RELN: variants seen among roughly 807,000 people sequenced by gnomAD.
RELN encodes reelin.
In RELN, 108 loss-of-function variants were observed where a neutral mutation model predicts 427.6. The observed-to-expected ratio is 0.25, with a 90% CI of 0.22 to 0.30. The LOEUF is 0.30. Ranked by LOEUF, RELN falls within the 10% of genes least tolerant of loss-of-function variation. The pLI, the probability that RELN is intolerant of heterozygous loss-of-function variation, is 1.00. For synonymous variants in RELN, 1,524 were observed against 1,513.4 expected, an observed-to-expected ratio of 1.01 and a Z score of -0.16; for missense variants, 3,715 against 4,302.8, an observed-to-expected ratio of 0.86 and a Z score of 3.82.
chr7:103,555,692 T>C (rs986130913), intron 38 of RELN, among the ~76,000 whole-genome samples: 1 of 152,104 alleles, frequency 6.6e-6, no homozygotes, highest in African/African-American at 2.4e-5. Flanking sequence ...AGGCTGGTCT[T>C]GAACTCCTGA....
chr7:103,977,504 T>C (rs995871217), intron 1 of RELN, among the ~76,000 whole-genome samples: 3 of 151,974 alleles, frequency 2.0e-5, no homozygotes, highest in Non-Finnish European at 2.9e-5. Context: ...TAGATCTATA[T>C]GTACAATAAG....
At chr7:103,671,679 C>T (rs1833395595) in intron 11 of RELN, among the ~76,000 whole-genome samples, 1 of 152,006 alleles carries the variant, frequency 6.6e-6, no homozygotes, top group Non-Finnish European at 1.5e-5. Context: ...GATGAAGTTG[C>T]AGTACAGTAT....
At chr7:103,556,897 C>T in intron 38 of RELN, 80 bp downstream of exon 38, 1 of 1,190,742 alleles carries the variant, frequency 8.4e-7, no homozygotes, top group Non-Finnish European at 1.3e-6. Context: ...AGTTGACAAA[C>T]ACTTCCTCCA....
chr7:103,806,057 C>A (rs548356502), intron 3 of RELN, among the ~76,000 whole-genome samples: 1 of 152,114 alleles, frequency 6.6e-6, no homozygotes, highest in African/African-American at 2.4e-5. Context: ...AAATGCTCTA[C>A]GCATTGGTAA....
chr7:103,508,741 G>C (rs941976028), intron 51 of RELN, among the ~76,000 whole-genome samples: 5 of 152,132 alleles, frequency 3.3e-5, no homozygotes, highest in African/African-American at 1.2e-4. Context: ...ACATGATTGT[G>C]TATTTAGAAA....
chr7:103,918,278 T>C (rs568982245), intron 1 of RELN, among the ~76,000 whole-genome samples: 6 of 152,268 alleles, frequency 3.9e-5, no homozygotes, highest in African/African-American at 1.4e-4. Flanking sequence ...TAGCTAATAT[T>C]TTTTAGTGCT....
intron 17 of RELN, 113 bp from the exon 18 acceptor site, chr7:103,636,581 G>A: frequency 1.3e-6 from 1 of 746,678 alleles, no homozygotes; most frequent in Non-Finnish European, 2.4e-6. Context: ...AATGGTAAAT[G>A]AGGCTCATTA....
At position 103,540,815 on chromosome 7, in the gene RELN, A is replaced by T. The variant is rs575169406; in HGVS notation, c.6672-360T>A. Among the ~76,000 whole-genome samples, 12 of 152,310 alleles carry T rather than the reference A, an allele frequency of 7.9e-5. 1 individual carries two copies. The highest frequency in any genetic ancestry group is 7.2e-4 in the Admixed American group (11 of 15,296). On this transcript the variant is annotated intron_variant, in intron 43 of 64. Transcript: ENST00000428762. Reference sequence around the variant, plus strand: ...GAGTGTGTGTTGTCATCTATTTAAGATAAGTGTAACTCCTTAAACTCTGAA... The same window carrying T: ...GAGTGTGTGTTGTCATCTATTTAAGTTAAGTGTAACTCCTTAAACTCTGAA...
At chr7:103,526,531 T>C (rs1829825970) in intron 46 of RELN, among the ~76,000 whole-genome samples, 1 of 152,186 alleles carries the variant, frequency 6.6e-6, no homozygotes, top group Non-Finnish European at 1.5e-5. Flanking sequence ...CTACACCTAG[T>C]AATTATGTAC....
chr7:103,752,894 G>T (rs976993211), intron 5 of RELN, among the ~76,000 whole-genome samples: 5 of 152,022 alleles, frequency 3.3e-5, no homozygotes, highest in Non-Finnish European at 5.9e-5. Flanking sequence ...GGACTCTGGG[G>T]AAAATTAAGC....
chr7:103,751,803 A>G (rs1791009199), intron 5 of RELN, among the ~76,000 whole-genome samples: 1 of 152,248 alleles, frequency 6.6e-6, no homozygotes, highest in Admixed American at 6.5e-5. Flanking sequence ...AAAGAGGAAA[A>G]ATAAATTAAT....
chr7:103,723,230 A>C, intron 7 of RELN, 39 bp from the exon 8 acceptor site: 2 of 1,130,504 alleles, frequency 1.8e-6, no homozygotes, highest in Non-Finnish European at 2.7e-6. Flanking sequence ...GACAAGACAG[A>C]GAGGAGAAAG....
chr7:103,561,608 G>C lies in RELN; in HGVS notation c.5453C>G (p.Pro1818Arg), dbSNP rs754018073. ...CCCCCTCTCTGCACCATACACTTCA[G>C]GCCAAAGGTCAGGATGTAAATTCCC... is the stretch of plus-strand genomic sequence containing the variant. Reference protein sequence around the residue: ...FNGNLHPDLWPEVYGAERGNL... With the variant: ...FNGNLHPDLWREVYGAERGNL... The change falls in exon 36 of 65, where the codon CCT becomes CGT. Residue 1818 changes from proline (P) to arginine (R), a missense_variant. Transcript: ENST00000428762. The C allele has an allele frequency of 1.2e-6, 2 of 1,613,856 alleles. No individual in the cohort carries two copies. The highest frequency in any genetic ancestry group is 2.2e-5 in the South Asian group (2 of 91,070).
chr7:103,776,284 A>G (rs1297805499), intron 4 of RELN, among the ~76,000 whole-genome samples: 1 of 152,238 alleles, frequency 6.6e-6, no homozygotes, highest in South Asian at 2.1e-4. Context: ...AAAAATTACT[A>G]CTAAGATTTG....
chr7:103,539,475 T>C, intron 44 of RELN, 148 bp from the exon 45 acceptor site: 1 of 729,956 alleles, frequency 1.4e-6, no homozygotes, highest in Non-Finnish European at 2.3e-6. Context: ...TGAGGGGCCT[T>C]TCAGAATGCT....
intron 2 of RELN, among the ~76,000 whole-genome samples, chr7:103,894,403 A>C (rs1794915441): frequency 6.6e-6 from 1 of 152,166 alleles, no homozygotes; most frequent in African/African-American, 2.4e-5. Context: ...GCAATTTCAA[A>C]ACACTTAAAT....
At chr7:103,658,748 A>G (rs1287880316) in intron 12 of RELN, among the ~76,000 whole-genome samples, 2 of 151,720 alleles carry the variant, frequency 1.3e-5, no homozygotes, top group African/African-American at 4.8e-5. Context: ...GCACCACACC[A>G]TTGGGGAAAC....
chr7:103,650,445 T>C lies in RELN; in HGVS notation c.1893-62A>G. 2 of 1,051,870 alleles carry C rather than the reference T, an allele frequency of 1.9e-6. 1 individual carries two copies. The highest frequency in any genetic ancestry group is 3.0e-6 in the Non-Finnish European group (2 of 668,536). The allele number at this position is 1,051,870 out of a possible 1,614,324, so 65.2% of individuals were successfully genotyped here. A position where few individuals can be genotyped will look rare whatever the true frequency, so the allele number is the denominator to read the frequency against. On this transcript the variant is annotated intron_variant, in intron 15 of 64. Transcript: ENST00000428762. Reference sequence around the variant, plus strand: ...ATGTTCATATCTTTAGAATCTATTTTACATGGTTTTCATGTTCTAGCTTCT... The same window carrying C: ...ATGTTCATATCTTTAGAATCTATTTCACATGGTTTTCATGTTCTAGCTTCT...
intron 8 of RELN, among the ~76,000 whole-genome samples, chr7:103,707,560 G>A (rs765967923): frequency 2.1e-4 from 31 of 150,816 alleles, no homozygotes; most frequent in Admixed American, 7.2e-4. Context: ...GTGCAATGGC[G>A]CGATCTCGGC....
Sources: allele counts gnomAD v4.1 joint callset (sites outside exome capture counted in the v4.1 genomes callset), GRCh38; gene constraint gnomAD v4.1.1; transcripts MANE v1.5; gene names NCBI Gene and HGNC (gene_info 2026-07-23, HGNC 2026-07-21).